ETV6: variants seen among roughly 807,000 people sequenced by gnomAD.
The protein encoded by ETV6 is ETS variant transcription factor 6.
In ETV6, 16 loss-of-function variants were observed where a neutral mutation model predicts 51.1. That is an observed-to-expected ratio of 0.31 (90% CI 0.21 to 0.48). The LOEUF is 0.48. Among genes scored for constraint, ETV6 ranks in the 20% least tolerant of loss-of-function variants. The pLI is 0.99. For missense variants in ETV6, 458 were observed against 594.8 expected, an observed-to-expected ratio of 0.77 and a Z score of 2.39; for synonymous variants, 240 against 224.1, an observed-to-expected ratio of 1.07 and a Z score of -0.64.
chr12:11,746,024 G>A (rs11615175), intron 1 of ETV6, among the ~76,000 whole-genome samples: 40,229 of 151,988 alleles, frequency 0.26, 5,845 homozygotes, highest in East Asian at 0.42. Flanking sequence ...GTCCCCTTCC[G>A]TCAGCTGAAT....
intron 5 of ETV6, among the ~76,000 whole-genome samples, chr12:11,873,321 T>G (rs1946913611): frequency 6.6e-6 from 1 of 152,172 alleles, no homozygotes; most frequent in African/African-American, 2.4e-5. Flanking sequence ...AGGATACCCC[T>G]GTGTGTACTC....
Position 11,847,404 on chromosome 12 carries a change from G to A in ETV6, c.329-6023G>A, listed in dbSNP as rs137877437. On this transcript the variant is annotated intron_variant, in intron 3 of 7. Transcript: ENST00000396373. The stretch of plus-strand genomic sequence containing the variant: ...TCAGAAGAAGTGCCAGGCTGGAGTA[G>A]ATTTAGCATAGACGAGCCGATTGAA... Among the ~76,000 whole-genome samples, 302 of 152,320 alleles carry A rather than the reference G, an allele frequency of 2.0e-3. 1 individual carries two copies. The highest frequency in any genetic ancestry group is 3.5e-3 in the Non-Finnish European group (239 of 68,028).
Position 11,739,810 on chromosome 12 carries a change from A to G in ETV6, c.34-12640A>G, listed in dbSNP as rs574106475. Among the ~76,000 whole-genome samples the G allele has an allele frequency of 4.6e-5, 7 of 152,296 alleles. No individual in the cohort carries two copies. In the East Asian group the frequency reaches 1.3e-3, roughly 29 times the overall value. On this transcript the variant is annotated intron_variant, in intron 1 of 7. Transcript: ENST00000396373. ...GCTACCAGAAAATGTTAAATTACCT[A>G]TGGGGCTCCCCTTATATTTCTGTGG...
intron 1 of ETV6, among the ~76,000 whole-genome samples, chr12:11,708,844 T>C (rs902650184): frequency 1.3e-5 from 2 of 152,192 alleles, no homozygotes; most frequent in African/African-American, 4.8e-5. Context: ...AGACACTCAC[T>C]CAGACCCTGT....
At chr12:11,738,642 C>A (rs1865754680) in intron 1 of ETV6, among the ~76,000 whole-genome samples, 1 of 152,090 alleles carries the variant, frequency 6.6e-6, no homozygotes, top group Non-Finnish European at 1.5e-5. Context: ...TTACCTACAG[C>A]CTGGGAGTCA....
chr12:11,788,479 G>A (rs938648425), intron 2 of ETV6, among the ~76,000 whole-genome samples: 5 of 152,154 alleles, frequency 3.3e-5, no homozygotes, highest in African/African-American at 4.8e-5. Context: ...CCTAGCATCT[G>A]GCGCACTCAG....
At chr12:11,750,966 G>T (rs1866014861) in intron 1 of ETV6, 1 of 426,036 alleles carries the variant, frequency 2.3e-6, no homozygotes, top group Non-Finnish European at 4.6e-6. Context: ...CATCTTAATT[G>T]ACCCAGAAAT....
chr12:11,781,287 T>A (rs767659582), intron 2 of ETV6, among the ~76,000 whole-genome samples: 10 of 152,154 alleles, frequency 6.6e-5, no homozygotes, highest in Non-Finnish European at 1.3e-4. Context: ...AGCAGGACAG[T>A]CCTCCCCTGC....
intron 2 of ETV6, chr12:11,768,883 T>G: frequency 2.1e-6 from 1 of 466,254 alleles, no homozygotes; most frequent in Non-Finnish European, 4.3e-6. Flanking sequence ...CCTGACTGCC[T>G]CTTTCTCCTT....
At position 11,826,894 on chromosome 12, in the gene ETV6, T is replaced by C. The variant is rs112177320; in HGVS notation, c.164-12246T>C. ...CTTTCCTGACTCCAAGTGACCATCT[T>C]AAGCCAGGGGATTAGTAACCTTTAC... On this transcript the variant is annotated intron_variant, in intron 2 of 7. Transcript: ENST00000396373. 6.3e-3 allele frequency among the ~76,000 whole-genome samples: 954 copies of C among 152,234 alleles called. 10 individuals are homozygous for C. Among genetic ancestry groups the C allele is most frequent in the African/African-American group, 0.021 (865 of 41,538 alleles).
intron 1 of ETV6, among the ~76,000 whole-genome samples, chr12:11,677,059 C>A (rs1195085592): frequency 6.6e-6 from 1 of 152,194 alleles, no homozygotes; most frequent in Non-Finnish European, 1.5e-5. Context: ...ACATAACCTG[C>A]AGTGGTTTGG....
intron 3 of ETV6, among the ~76,000 whole-genome samples, chr12:11,847,762 C>T (rs1946486417): frequency 6.6e-6 from 1 of 152,248 alleles, no homozygotes; most frequent in East Asian, 1.9e-4. Flanking sequence ...TGTTGGACAG[C>T]TCCCCTGGGA....
At chr12:11,706,196 C>T (rs1267941042) in intron 1 of ETV6, among the ~76,000 whole-genome samples, 1 of 152,362 alleles carries the variant, frequency 6.6e-6, no homozygotes, top group East Asian at 1.9e-4. Flanking sequence ...ATAACAACGC[C>T]TTTCATTTGC....
At position 11,891,567 on chromosome 12, in the gene ETV6, C is replaced by T. The variant is rs973601541; in HGVS notation, c.*521C>T. The T allele has an allele frequency of 3.2e-5, 17 of 534,558 alleles. No individual in the cohort carries two copies. The highest frequency in any genetic ancestry group is 6.2e-5 in the Non-Finnish European group (17 of 275,562). 33.1% of individuals were successfully genotyped at this position (534,558 alleles called of 1,614,324 possible). On this transcript the variant is annotated 3_prime_UTR_variant, in exon 8 of 8. Transcript: ENST00000396373. ...TTCCTCTTTTTCCTGCCACGTGGATCAGGTCTGTTCCTGTTACTGTTGGGT... is the reference window on the plus strand; with the variant it reads ...TTCCTCTTTTTCCTGCCACGTGGATTAGGTCTGTTCCTGTTACTGTTGGGT...
chr12:11,685,888 T>G (rs1017261235), intron 1 of ETV6, among the ~76,000 whole-genome samples: 1 of 152,232 alleles, frequency 6.6e-6, no homozygotes, highest in African/African-American at 2.4e-5. Context: ...CAGCCTTTCT[T>G]CAGACACAGC....
chr12:11,855,114 T>G (rs1946611790), intron 4 of ETV6, among the ~76,000 whole-genome samples: 1 of 139,598 alleles, frequency 7.2e-6, no homozygotes, highest in Non-Finnish European at 1.5e-5. Context: ...GCTAACATGG[T>G]GAAACCCCGT....
intron 2 of ETV6, among the ~76,000 whole-genome samples, chr12:11,824,783 G>A (rs902194847): frequency 2.0e-5 from 3 of 152,026 alleles, no homozygotes; most frequent in Non-Finnish European, 4.4e-5. Context: ...AAAAGAAAAA[G>A]AAAAAGAAAA....
intron 1 of ETV6, among the ~76,000 whole-genome samples, chr12:11,688,428 G>A (rs534241229): frequency 2.6e-5 from 4 of 152,308 alleles, no homozygotes; most frequent in South Asian, 2.1e-4. Flanking sequence ...CTTCAGTCTC[G>A]TGGCTGTCTA....
At chr12:11,754,746 G>A (rs1397100758) in intron 2 of ETV6, among the ~76,000 whole-genome samples, 1 of 152,176 alleles carries the variant, frequency 6.6e-6, no homozygotes, top group African/African-American at 2.4e-5. Flanking sequence ...TTATTGAGCC[G>A]TGTCTGTGCT....
Sources: allele counts gnomAD v4.1 joint callset (sites outside exome capture counted in the v4.1 genomes callset), GRCh38; gene constraint gnomAD v4.1.1; transcripts MANE v1.5; gene names NCBI Gene and HGNC (gene_info 2026-07-23, HGNC 2026-07-21).